The following SLIT3 variants were observed in gnomAD, a reference collection of about 807,000 sequenced individuals.
SLIT3 encodes the protein slit homolog 3 protein.
In SLIT3, 68 loss-of-function variants were observed where a neutral mutation model predicts 184.0. The observed-to-expected ratio is 0.37, with a 90% CI of 0.30 to 0.45. The LOEUF is 0.45. Ranked by LOEUF, SLIT3 falls within the 20% of genes least tolerant of loss-of-function variation. The pLI, the probability that SLIT3 is intolerant of heterozygous loss-of-function variation, is 1.00. For synonymous variants in SLIT3, 831 were observed against 828.6 expected (o/e 1.00, Z -0.05); for missense variants, 1,707 against 2,026.0 (o/e 0.84, Z 3.02).
intron 4 of SLIT3, among the ~76,000 whole-genome samples, chr5:168,993,430 C>T (rs1755400219): frequency 1.3e-5 from 2 of 152,180 alleles, no homozygotes; most frequent in South Asian, 4.2e-4. Flanking sequence ...CAGAAGCAGG[C>T]AGGACAGATG....
At chr5:169,092,219 G>A (rs1051644351) in intron 4 of SLIT3, among the ~76,000 whole-genome samples, 2 of 152,048 alleles carry the variant, frequency 1.3e-5, no homozygotes, top group Non-Finnish European at 2.9e-5. Context: ...GTGAAACTCT[G>A]TTTCAAAAAA....
At chr5:169,278,725 A>C (rs1412831019) in intron 1 of SLIT3, among the ~76,000 whole-genome samples, 1 of 152,108 alleles carries the variant, frequency 6.6e-6, no homozygotes, top group Non-Finnish European at 1.5e-5. Context: ...CCAAGGTTTG[A>C]GACAAGGAAC....
intron 4 of SLIT3, among the ~76,000 whole-genome samples, chr5:169,147,735 G>A (rs974437500): frequency 6.6e-6 from 1 of 152,168 alleles, no homozygotes; most frequent in African/African-American, 2.4e-5. Flanking sequence ...AGAGTATAGA[G>A]ATACCAGGGG....
chr5:168,888,791 T>C (rs950298284), intron 4 of SLIT3, among the ~76,000 whole-genome samples: 51 of 152,356 alleles, frequency 3.3e-4, no homozygotes, highest in African/African-American at 1.1e-3. Context: ...GGAACCATTA[T>C]TGGATTTGGG....
intron 12 of SLIT3, among the ~76,000 whole-genome samples, chr5:168,775,063 G>C (rs1755696239): frequency 1.3e-5 from 2 of 148,842 alleles, no homozygotes; most frequent in South Asian, 4.2e-4. Flanking sequence ...TTGAGATGGA[G>C]TCTTGCTCTT....
At chr5:168,768,550 A>G (rs1755427684) in intron 14 of SLIT3, among the ~76,000 whole-genome samples, 1 of 152,212 alleles carries the variant, frequency 6.6e-6, no homozygotes, top group Admixed American at 6.5e-5. Flanking sequence ...CTGTGATCCT[A>G]TCACATGCCT....
At chr5:169,194,706 A>G (rs559333666) in intron 3 of SLIT3, among the ~76,000 whole-genome samples, 59 of 152,340 alleles carry the variant, frequency 3.9e-4, no homozygotes, top group Admixed American at 1.4e-3. Flanking sequence ...AGGTCTGGGC[A>G]TGAGGTATGG....
At chr5:168,971,450 C>T (rs1397741576) in intron 4 of SLIT3, among the ~76,000 whole-genome samples, 1 of 152,220 alleles carries the variant, frequency 6.6e-6, no homozygotes, top group Non-Finnish European at 1.5e-5. Flanking sequence ...TGTCTTTCTA[C>T]ATGGTTGTAC....
intron 1 of SLIT3, among the ~76,000 whole-genome samples, chr5:169,292,870 A>T (rs761284122): frequency 3.9e-5 from 6 of 152,256 alleles, no homozygotes; most frequent in Non-Finnish European, 7.3e-5. Flanking sequence ...AGCAGGGAAG[A>T]CTGGGGAGAT....
At chr5:168,708,153 A>G in intron 25 of SLIT3, 53 bp from the exon 26 acceptor site, 1 of 1,613,368 alleles carries the variant, frequency 6.2e-7, no homozygotes, top group Non-Finnish European at 8.5e-7. Flanking sequence ...GCTCACTGCC[A>G]TACCTCCCTT....
chr5:169,052,776 T>C (rs1757860707), intron 4 of SLIT3, among the ~76,000 whole-genome samples: 1 of 152,210 alleles, frequency 6.6e-6, no homozygotes, highest in African/African-American at 2.4e-5. Flanking sequence ...CACTCCACGC[T>C]ACCCAAGCTA....
intron 27 of SLIT3, among the ~76,000 whole-genome samples, chr5:168,699,066 G>T (rs951356741): frequency 1.3e-5 from 2 of 152,166 alleles, no homozygotes; most frequent in Admixed American, 6.5e-5. Context: ...CCTGGCTGGG[G>T]CCCCGTGGCC....
At chr5:169,238,848 C>T (rs941707089) in intron 3 of SLIT3, among the ~76,000 whole-genome samples, 1 of 152,130 alleles carries the variant, frequency 6.6e-6, no homozygotes, top group African/African-American at 2.4e-5. Flanking sequence ...TTCCTTTGTA[C>T]TTACCATGAA....
intron 4 of SLIT3, among the ~76,000 whole-genome samples, chr5:168,998,743 G>C (rs919978284): frequency 9.0e-5 from 12 of 133,382 alleles, no homozygotes; most frequent in Non-Finnish European, 1.2e-4. Flanking sequence ...CAAAACAAAA[G>C]GCCATTGAAC....
At chr5:169,019,832 T>G (rs1441784226) in intron 4 of SLIT3, among the ~76,000 whole-genome samples, 1 of 152,260 alleles carries the variant, frequency 6.6e-6, no homozygotes, top group Admixed American at 6.5e-5. Context: ...TTTGAGTCTT[T>G]TTATGTCCTC....
At chr5:169,142,414 T>C (rs978069856) in intron 4 of SLIT3, among the ~76,000 whole-genome samples, 5 of 152,206 alleles carry the variant, frequency 3.3e-5, no homozygotes, top group Admixed American at 1.3e-4. Flanking sequence ...GCTGACTCCA[T>C]AATCAGCTTC....
At chr5:169,071,020 T>C (rs1357515246) in intron 4 of SLIT3, among the ~76,000 whole-genome samples, 1 of 152,180 alleles carries the variant, frequency 6.6e-6, no homozygotes, top group Non-Finnish European at 1.5e-5. Flanking sequence ...ACCTCCTAGC[T>C]GTGGGACCTT....
rs543053966 is a variant in SLIT3, at chr5:169,097,566, G to C, written c.413+95913C>G. Among the ~76,000 whole-genome samples the C allele has an allele frequency of 2.6e-5, 4 of 152,312 alleles. No individual in the cohort carries two copies. The South Asian group carries it at 8.3e-4, about 32-fold the overall frequency. Reference sequence around the variant, plus strand: ...TGCTTTCACCTTTTTGGGACAGTTTGGAGAACTGTTAAAACTATCAAAGGC... The same window carrying C: ...TGCTTTCACCTTTTTGGGACAGTTTCGAGAACTGTTAAAACTATCAAAGGC... On this transcript the variant is annotated intron_variant, in intron 4 of 35. Transcript: ENST00000519560.
At chr5:168,795,972 C>G (rs1756551324) in intron 9 of SLIT3, among the ~76,000 whole-genome samples, 2 of 152,190 alleles carry the variant, frequency 1.3e-5, no homozygotes, top group Admixed American at 6.5e-5. Context: ...GCCAGCAATG[C>G]TTATCTGTCA....
Sources: gnomAD v4.1 joint callset for allele counts (sites outside exome capture counted in the v4.1 genomes callset) on GRCh38, gnomAD v4.1.1 for gene constraint, MANE v1.5 for transcripts, NCBI Gene and HGNC (gene_info 2026-07-23, HGNC 2026-07-21) for gene names.